Variants in RPTOR observed in about 807,000 individuals in gnomAD.
RPTOR encodes the protein regulatory associated protein of MTOR complex 1, also known as regulatory-associated protein of mTOR.
In RPTOR, 21 loss-of-function variants were observed where a neutral mutation model predicts 169.9. The observed-to-expected ratio is 0.12, with a 90% CI of 0.09 to 0.18. The LOEUF (loss-of-function observed/expected upper bound fraction) is 0.18. Among genes scored for constraint, RPTOR ranks in the 10% least tolerant of loss-of-function variants. RPTOR has a pLI of 1.00. For missense variants in RPTOR, 1,133 were observed against 1,855.9 expected (o/e 0.61, Z 7.16); for synonymous variants, 732 against 753.2 (o/e 0.97, Z 0.46).
At chr17:80,797,353 A>G (rs2067111330) in intron 7 of RPTOR, among the ~76,000 whole-genome samples, 1 of 152,118 alleles carries the variant, frequency 6.6e-6, no homozygotes, top group African/African-American at 2.4e-5. Flanking sequence ...TCTCTGTGTT[A>G]CCCAGGCTGG....
chr17:80,648,545 G>A (rs941814142), intron 3 of RPTOR, among the ~76,000 whole-genome samples: 1 of 152,040 alleles, frequency 6.6e-6, no homozygotes, highest in African/African-American at 2.4e-5. Flanking sequence ...TGTGGTGGGA[G>A]GCGCCTAGTC....
chr17:80,753,457 A>G (rs1436454538), intron 5 of RPTOR, among the ~76,000 whole-genome samples: 1 of 151,486 alleles, frequency 6.6e-6, no homozygotes, highest in Non-Finnish European at 1.5e-5. Context: ...ACACGGTGAA[A>G]CCCCGTCTCT....
intron 4 of RPTOR, among the ~76,000 whole-genome samples, chr17:80,713,459 T>G (rs2066213602): frequency 6.6e-6 from 1 of 152,222 alleles, no homozygotes; most frequent in South Asian, 2.1e-4. Context: ...TTTGGACCAG[T>G]GATCCTCCAG....
At chr17:80,907,631 G>T (rs1315513797) in intron 20 of RPTOR, among the ~76,000 whole-genome samples, 1 of 152,178 alleles carries the variant, frequency 6.6e-6, no homozygotes, top group Non-Finnish European at 1.5e-5. Context: ...CACATAGCCC[G>T]TGCCTGCCCC....
rs746688994 is a variant in RPTOR at position 80,708,332 on chromosome 17, T to C, written c.507+333T>C. On this transcript the variant is annotated intron_variant, in intron 4 of 33. Transcript: ENST00000306801. This position sits in a 1 kb window ranked among gnomAD's most constrained non-coding sequence, Gnocchi z 4.2. ...TGAAAAAATTGCACAATTTCTCAAT[T>C]TCGTTAGAATCTTTCTTTAAGCATC... Among the ~76,000 whole-genome samples, 13 of 152,202 alleles carry C rather than the reference T, an allele frequency of 8.5e-5. No homozygotes were observed. Among genetic ancestry groups the C allele is most frequent in the Non-Finnish European group, 1.6e-4 (11 of 68,026 alleles).
Position 80,915,333 on chromosome 17 carries a change from A to G in RPTOR, c.2520+6404A>G, listed in dbSNP as rs373073707. 2.1e-3 allele frequency among the ~76,000 whole-genome samples: 125 copies of G among 60,444 alleles called. 4 individuals are homozygous for G. The East Asian group carries it at 0.021, about 10-fold the overall frequency. 39.7% of individuals were successfully genotyped at this position (60,444 alleles called of 152,430 possible). ...AGCAGACGTCAGGAAAACCAGCTGC[A>G]GAGAGGAGTTAACCACTCCAGGGTC... On this transcript the variant is annotated intron_variant, in intron 21 of 33. Coordinates refer to ENST00000306801, the MANE Select transcript of RPTOR (RefSeq NM_020761.3).
rs573408800 is a variant in RPTOR at position 80,845,996 on chromosome 17, T to C, written c.1213-477T>C. On this transcript the variant is annotated intron_variant, in intron 10 of 33. Coordinates refer to ENST00000306801, the MANE Select transcript of RPTOR (RefSeq NM_020761.3). This position sits in a 1 kb window ranked among gnomAD's most constrained non-coding sequence, Gnocchi z 5.4. ...CCCCAGCTCATCTCCTTGGTCTCCA[T>C]AGCAGAGGCTCTGTCCTGGGCCCCT... is the stretch of plus-strand genomic sequence containing the variant. Among the ~76,000 whole-genome samples the C allele has an allele frequency of 1.3e-5, 2 of 152,068 alleles. No homozygotes were observed. The highest frequency in any genetic ancestry group is 4.2e-4 in the South Asian group (2 of 4,814).
intron 6 of RPTOR, among the ~76,000 whole-genome samples, chr17:80,787,884 A>G (rs975898020): frequency 2.0e-5 from 3 of 152,022 alleles, no homozygotes; most frequent in East Asian, 1.9e-4. Context: ...TAGGTTTTCA[A>G]TCCTGGTTAT....
rs899569652 is a variant in RPTOR at position 80,646,111 on chromosome 17, A to G, written c.348+2301A>G. ...TGGAATAAAGTATCCGCTGCAGCCTAGAAGGAAGCTGTTCTTGCACACAGA... is the reference window on the plus strand; with the variant it reads ...TGGAATAAAGTATCCGCTGCAGCCTGGAAGGAAGCTGTTCTTGCACACAGA... On this transcript the variant is annotated intron_variant, in intron 3 of 33. Coordinates refer to ENST00000306801, the MANE Select transcript of RPTOR (RefSeq NM_020761.3). This position sits in a 1 kb window ranked among gnomAD's most constrained non-coding sequence, Gnocchi z 5.0. Among the ~76,000 whole-genome samples, 4 of 152,226 alleles carry G rather than the reference A, an allele frequency of 2.6e-5. No individual in the cohort carries two copies. Among genetic ancestry groups the G allele is most frequent in the African/African-American group, 9.6e-5 (4 of 41,452 alleles).
chr17:80,727,918 T>C (rs887733342), intron 4 of RPTOR, among the ~76,000 whole-genome samples: 14 of 152,202 alleles, frequency 9.2e-5, no homozygotes, highest in African/African-American at 3.4e-4. Context: ...ATTCCCACCA[T>C]TGATGGATGA....
At chr17:80,801,367 G>A (rs2143533685) in intron 7 of RPTOR, among the ~76,000 whole-genome samples, 1 of 151,762 alleles carries the variant, frequency 6.6e-6, no homozygotes, top group East Asian at 2.0e-4. Context: ...GCAAGCACAG[G>A]GCCTGCCAAG....
intron 3 of RPTOR, among the ~76,000 whole-genome samples, chr17:80,661,498 T>C (rs2065723670): frequency 6.6e-6 from 1 of 152,128 alleles, no homozygotes; most frequent in Non-Finnish European, 1.5e-5. Flanking sequence ...GAGCCGTTGA[T>C]GGGGGTGATA....
chr17:80,678,550 A>G (rs921420568), intron 3 of RPTOR, among the ~76,000 whole-genome samples: 2 of 152,266 alleles, frequency 1.3e-5, no homozygotes, highest in East Asian at 1.9e-4. Context: ...CATGTGTACT[A>G]GCTTTGCAAC....
At chr17:80,945,945 C>T (rs182850405) in intron 26 of RPTOR, among the ~76,000 whole-genome samples, 164 bp downstream of exon 26, 3 of 152,286 alleles carry the variant, frequency 2.0e-5, no homozygotes, top group African/African-American at 7.2e-5. Flanking sequence ...TCACCTTCTC[C>T]TCTTTGACCG....
chr17:80,707,723 G>A lies in RPTOR; in HGVS notation c.349-118G>A. 1.1e-6 allele frequency: 1 copy of A among 911,248 alleles called. No homozygotes were observed. Among genetic ancestry groups the A allele is most frequent in the Non-Finnish European group, 1.6e-6 (1 of 627,278 alleles). The allele number at this position is 911,248 out of a possible 1,614,324, so 56.4% of individuals were successfully genotyped here. A position where few individuals can be genotyped will look rare whatever the true frequency, so the allele number is the denominator to read the frequency against. On this transcript the variant is annotated intron_variant, in intron 3 of 33. Transcript: ENST00000306801. The surrounding 1 kb of genome is among the most constrained non-coding windows in gnomAD (Gnocchi z 5.0). Reference sequence around the variant, plus strand: ...GGTTTTATAGATGGAGAAACTCAGAGCCATGTGTCCAGGACCACACAGCTA... The same window carrying A: ...GGTTTTATAGATGGAGAAACTCAGAACCATGTGTCCAGGACCACACAGCTA...
At chr17:80,686,718 A>G (rs2065950965) in intron 3 of RPTOR, among the ~76,000 whole-genome samples, 1 of 152,126 alleles carries the variant, frequency 6.6e-6, no homozygotes, top group Admixed American at 6.5e-5. Flanking sequence ...TCCACTAAAT[A>G]TGAAGAGGTA....
At chr17:80,926,761 G>A (rs139138324) in intron 24 of RPTOR, among the ~76,000 whole-genome samples, 5 of 152,350 alleles carry the variant, frequency 3.3e-5, no homozygotes, top group Non-Finnish European at 4.4e-5. Flanking sequence ...ATGTGCATAC[G>A]ACGGAGACCA....
chr17:80,669,964 C>A (rs2065809526), intron 3 of RPTOR, among the ~76,000 whole-genome samples: 1 of 152,236 alleles, frequency 6.6e-6, no homozygotes. Flanking sequence ...CAGTCTACAA[C>A]ATCACTCAGG....
intron 6 of RPTOR, among the ~76,000 whole-genome samples, chr17:80,771,506 C>T (rs561490342): frequency 1.2e-4 from 18 of 152,316 alleles, no homozygotes; most frequent in African/African-American, 4.3e-4. Flanking sequence ...CCTCCCAAGC[C>T]TTTCTGCCCT....
Sources: gnomAD v4.1 joint callset for allele counts (sites outside exome capture counted in the v4.1 genomes callset) on GRCh38, gnomAD v4.1.1 for gene constraint, Gnocchi (gnomAD v3.1) non-coding constraint, MANE v1.5 for transcripts, NCBI Gene and HGNC (gene_info 2026-07-23, HGNC 2026-07-21) for gene names.